SCN8A: variants seen among roughly 807,000 people sequenced by gnomAD.
SCN8A encodes the protein sodium channel protein type 8 subunit alpha.
Under a neutral mutation model 184.1 loss-of-function variants are expected in SCN8A, and 30 were observed. The observed-to-expected ratio is 0.16, with a 90% CI of 0.12 to 0.22. The LOEUF (loss-of-function observed/expected upper bound fraction) is 0.22, where lower values mean the gene tolerates loss of function less well. SCN8A is among the 10% of genes least tolerant of loss of function. SCN8A has a pLI of 1.00. For missense variants in SCN8A, 1,057 were observed against 2,498.9 expected, an observed-to-expected ratio of 0.42 and a Z score of 12.30; for synonymous variants, 852 against 907.0, an observed-to-expected ratio of 0.94 and a Z score of 1.09.
chr12:51,758,478 C>T (rs529838243), intron 14 of SCN8A, among the ~76,000 whole-genome samples: 1 of 152,294 alleles, frequency 6.6e-6, no homozygotes, highest in South Asian at 2.1e-4. Context: ...CACTCTGTCG[C>T]CCAGGCTGGA....
At chr12:51,759,435 G>C (rs933808302) in intron 14 of SCN8A, among the ~76,000 whole-genome samples, 1 of 152,180 alleles carries the variant, frequency 6.6e-6, no homozygotes, top group African/African-American at 2.4e-5. Flanking sequence ...TGGACAAAGG[G>C]ATGATTCACA....
chr12:51,797,233 A>G (rs1416739715), intron 26 of SCN8A, among the ~76,000 whole-genome samples: 2 of 152,220 alleles, frequency 1.3e-5, no homozygotes, highest in Admixed American at 1.3e-4. Context: ...TCCTTCATAC[A>G]ACCAGAAGCG....
At chr12:51,601,292 A>G (rs1414698453) in intron 1 of SCN8A, among the ~76,000 whole-genome samples, 1 of 152,096 alleles carries the variant, frequency 6.6e-6, no homozygotes, top group Non-Finnish European at 1.5e-5. Context: ...TGTTTGTAGT[A>G]TTTCTTCTTC....
In SCN8A at chr12:51,762,687, T is replaced by C; in HGVS notation, c.2544+11T>C. On this transcript the variant is annotated intron_variant, in intron 15 of 26. Transcript: ENST00000627620. ...CGATCTTTCCGATTGGTATTCCATA[T>C]TTCTCCAATTTCTTTTAACATTTCC... is the stretch of plus-strand genomic sequence containing the variant. 1 of 1,555,242 alleles carries C rather than the reference T, an allele frequency of 6.4e-7. No homozygotes were observed. Among genetic ancestry groups the C allele is most frequent in the Non-Finnish European group, 8.6e-7 (1 of 1,161,336 alleles).
Position 51,774,276 on chromosome 12 carries a change from C to T in SCN8A, c.3733C>T (p.Leu1245=), listed in dbSNP as rs373513696. The change falls in exon 20 of 27, where the codon CTG becomes TTG. Residue 1245 remains leucine, a synonymous_variant. Transcript: ENST00000627620. ...ADKVFTYIFI[L]EMLLKWTAYG... is the part of the protein sequence containing the mutation. Reference sequence around the variant, plus strand: ...CAAAGTCTTCACCTATATCTTCATCCTGGAGATGTTGCTCAAGTGGACAGC... The same window carrying T: ...CAAAGTCTTCACCTATATCTTCATCTTGGAGATGTTGCTCAAGTGGACAGC... The T allele has an allele frequency of 1.5e-5, 25 of 1,613,974 alleles. No individual in the cohort carries two copies. Among genetic ancestry groups the T allele is most frequent in the Non-Finnish European group, 1.7e-5 (20 of 1,179,946 alleles).
intron 12 of SCN8A, among the ~76,000 whole-genome samples, chr12:51,745,236 C>T (rs1445132743): frequency 1.3e-5 from 2 of 152,242 alleles, no homozygotes; most frequent in African/African-American, 4.8e-5. Context: ...TGCAGGTTAA[C>T]TCATAAAACT....
At chr12:51,802,048 CTG>C (rs2138933825) in intron 26 of SCN8A, among the ~76,000 whole-genome samples, 1 of 149,600 alleles carries the variant, frequency 6.7e-6, no homozygotes, top group South Asian at 2.2e-4. Flanking sequence ...GAGCAAGACT[CTG>C]TCTCAAAAAA....
intron 12 of SCN8A, among the ~76,000 whole-genome samples, chr12:51,729,091 T>C (rs191088108): frequency 1.3e-5 from 2 of 152,334 alleles, no homozygotes; most frequent in Admixed American, 6.5e-5. Flanking sequence ...TGATCTTTAT[T>C]TCCACAATAC....
At chr12:51,703,273 A>G (rs1285493924) in intron 9 of SCN8A, among the ~76,000 whole-genome samples, 3 of 138,374 alleles carry the variant, frequency 2.2e-5, no homozygotes, top group Non-Finnish European at 3.2e-5. Context: ...TTTTTGAGGT[A>G]GGTACTACAG....
chr12:51,653,498 C>T (rs1940760400), intron 1 of SCN8A, among the ~76,000 whole-genome samples: 1 of 152,152 alleles, frequency 6.6e-6, no homozygotes, highest in Admixed American at 6.5e-5. Context: ...TAGCATGTGT[C>T]AGGATTTCTT....
At chr12:51,699,539 G>A in intron 6 of SCN8A, 31 bp from the exon 7 acceptor site, 2 of 1,571,260 alleles carry the variant, frequency 1.3e-6, no homozygotes, top group Non-Finnish European at 8.7e-7. Flanking sequence ...GCTTTGAGGT[G>A]CCTCTGATTC....
At chr12:51,630,735 C>G (rs545275030) in intron 1 of SCN8A, among the ~76,000 whole-genome samples, 113 of 152,116 alleles carry the variant, frequency 7.4e-4, no homozygotes, top group African/African-American at 2.6e-3. Context: ...ACTTTTGCTT[C>G]TTTTATATCT....
At chr12:51,689,201 T>C (rs1441726162) in intron 6 of SCN8A, 105 bp downstream of exon 6, 5 of 858,460 alleles carry the variant, frequency 5.8e-6, no homozygotes, top group Non-Finnish European at 9.1e-6. Context: ...GATAATGGCC[T>C]TGCATTCTGC....
intron 1 of SCN8A, among the ~76,000 whole-genome samples, chr12:51,657,162 G>T (rs1034907882): frequency 9.2e-5 from 14 of 151,856 alleles, no homozygotes; most frequent in Admixed American, 7.2e-4. Flanking sequence ...ATATTTTGGG[G>T]TTTTTTTGGT....
At chr12:51,713,652 C>A in intron 11 of SCN8A, 1 of 566,494 alleles carries the variant, frequency 1.8e-6, no homozygotes, top group Admixed American at 3.3e-5. Flanking sequence ...CACTCATCTC[C>A]GACCTATTTC....
At chr12:51,783,102 A>G (rs1450948080) in intron 21 of SCN8A, among the ~76,000 whole-genome samples, 1 of 152,212 alleles carries the variant, frequency 6.6e-6, no homozygotes, top group Admixed American at 6.5e-5. Context: ...ACTCCAGCCA[A>G]CTAACAGACA....
rs74695565 is a variant in SCN8A, at chr12:51,667,259, A to G, written c.276+4166A>G. Among the ~76,000 whole-genome samples the G allele has an allele frequency of 5.0e-3, 766 of 152,258 alleles. 3 individuals are homozygous for G. Among genetic ancestry groups the G allele is most frequent in the African/African-American group, 0.017 (725 of 41,546 alleles). On this transcript the variant is annotated intron_variant, in intron 2 of 26. Coordinates refer to ENST00000627620, the MANE Select transcript of SCN8A (RefSeq NM_001330260.2). Reference sequence around the variant, plus strand: ...TTTATGTGTATGCAAGCAAAAACAAATATGTGTTTTATGGAACTTGAACTC... The same window carrying G: ...TTTATGTGTATGCAAGCAAAAACAAGTATGTGTTTTATGGAACTTGAACTC...
intron 26 of SCN8A, among the ~76,000 whole-genome samples, chr12:51,796,314 C>G (rs551865766): frequency 6.6e-6 from 1 of 152,228 alleles, no homozygotes; most frequent in South Asian, 2.1e-4. Context: ...GCCTCAAGTC[C>G]ATTCTCCTAA....
chr12:51,687,887 G>C (rs1203205396), intron 5 of SCN8A, among the ~76,000 whole-genome samples: 1 of 152,206 alleles, frequency 6.6e-6, no homozygotes, highest in South Asian at 2.1e-4. Context: ...TCCAGGTTGG[G>C]AAAGCGTTTT....
Sources: gnomAD v4.1 joint callset for allele counts (sites outside exome capture counted in the v4.1 genomes callset) on GRCh38, gnomAD v4.1.1 for gene constraint, MANE v1.5 for transcripts, NCBI Gene and HGNC (gene_info 2026-07-23, HGNC 2026-07-21) for gene names.